EBF4: variants seen among roughly 807,000 people sequenced by gnomAD.
EBF4 encodes transcription factor COE4.
EBF4 carries 34 observed loss-of-function variants against 67.1 expected under a neutral mutation model. That is an observed-to-expected ratio of 0.51 (90% CI 0.39 to 0.67). The LOEUF (loss-of-function observed/expected upper bound fraction) is 0.67. EBF4 is among the 30% of genes least tolerant of loss of function. EBF4 has a pLI of 0.00. For synonymous variants in EBF4, 387 were observed against 377.7 expected (o/e 1.02, Z -0.29); for missense variants, 837 against 873.3 (o/e 0.96, Z 0.52).
intron 6 of EBF4, among the ~76,000 whole-genome samples, chr20:2,731,940 GTTTC>G (rs2087819158): frequency 6.6e-6 from 1 of 152,158 alleles, no homozygotes; most frequent in Non-Finnish European, 1.5e-5. Flanking sequence ...CAGAATGTGA[GTTTC>G]TTTATCAGTT....
chr20:2,728,636 T>C (rs1443805312), intron 6 of EBF4, among the ~76,000 whole-genome samples: 13 of 152,120 alleles, frequency 8.5e-5, no homozygotes, highest in Non-Finnish European at 1.8e-4. Context: ...TTTGTAGATC[T>C]CTCAAATCCC....
intron 1 of EBF4, among the ~76,000 whole-genome samples, chr20:2,701,896 G>A (rs1042419715): frequency 1.2e-4 from 18 of 152,354 alleles, no homozygotes; most frequent in African/African-American, 4.1e-4. Flanking sequence ...GCAGGAGGGA[G>A]GAGCTCAGGG....
At chr20:2,752,147 C>G in exon 13 of EBF4, 2 of 1,448,710 alleles carry the variant, frequency 1.4e-6, no homozygotes, top group Non-Finnish European at 1.8e-6. Context: ...CCCCGCGCAC[C>G]CGGGCCGCTC....
exon 14 of EBF4, chr20:2,752,386 C>G (rs2088167838): frequency 1.6e-6 from 2 of 1,252,588 alleles, no homozygotes; most frequent in African/African-American, 1.6e-5. Flanking sequence ...CAGCGCGTCC[C>G]CCCGCGGGTT....
chr20:2,707,293 C>T lies in EBF4; in HGVS notation c.415-654C>T, dbSNP rs1422391466. Among the ~76,000 whole-genome samples the T allele has an allele frequency of 6.6e-6, 1 of 151,970 alleles. No homozygotes were observed. Among genetic ancestry groups the T allele is most frequent in the African/African-American group, 2.4e-5 (1 of 41,360 alleles). On this transcript the variant is annotated intron_variant, in intron 4 of 16. Coordinates refer to ENST00000609451, the Ensembl canonical transcript of EBF4. This position sits in a 1 kb window ranked among gnomAD's most constrained non-coding sequence, Gnocchi z 4.6. ...GAGGGATCCCACAAATGGGGGAAGG[C>T]ACAGAGGGTTATAAACTAGGAAGGC... is the stretch of plus-strand genomic sequence containing the variant.
intron 6 of EBF4, among the ~76,000 whole-genome samples, chr20:2,724,909 A>ATTTTT (rs2087728552): frequency 6.6e-6 from 1 of 152,244 alleles, no homozygotes; most frequent in African/African-American, 2.4e-5. Context: ...TTCTCAAAAA[A>ATTTTT]GAAAAAGAAA....
At chr20:2,752,623 G>T in intron 14 of EBF4, 78 bp downstream of exon 14, 7 of 1,140,232 alleles carry the variant, frequency 6.1e-6, no homozygotes, top group Non-Finnish European at 7.7e-6. Context: ...CGCCCATCCC[G>T]GAGAGGTTGG....
At chr20:2,743,964 T>C (rs999587600) in intron 6 of EBF4, among the ~76,000 whole-genome samples, 1 of 152,204 alleles carries the variant, frequency 6.6e-6, no homozygotes, top group African/African-American at 2.4e-5. Flanking sequence ...TCTATCTTGC[T>C]ATTTGTACCC....
At chr20:2,749,624 C>T in exon 9 of EBF4, 1 of 1,557,722 alleles carries the variant, frequency 6.4e-7, no homozygotes, top group Non-Finnish European at 8.7e-7. Context: ...TCCCAGCTGC[C>T]ACCCCCTGCA....
chr20:2,746,337 C>T (rs2088050226), intron 6 of EBF4, among the ~76,000 whole-genome samples: 1 of 152,134 alleles, frequency 6.6e-6, no homozygotes, highest in Admixed American at 6.5e-5. Context: ...GGCATAACAG[C>T]TGTCTGCACT....
At chr20:2,704,984 C>T (rs1053393567) in intron 1 of EBF4, among the ~76,000 whole-genome samples, 3 of 152,258 alleles carry the variant, frequency 2.0e-5, no homozygotes, top group African/African-American at 7.2e-5. Context: ...TCTCCCAAAG[C>T]CTGGAGGCAG....
At chr20:2,724,960 C>T (rs537176787) in intron 6 of EBF4, among the ~76,000 whole-genome samples, 2 of 152,266 alleles carry the variant, frequency 1.3e-5, no homozygotes, top group African/African-American at 4.8e-5. Context: ...TAAACTCACT[C>T]TTCTCTCTGG....
intron 6 of EBF4, among the ~76,000 whole-genome samples, chr20:2,726,414 C>G (rs1046295544): frequency 6.6e-6 from 1 of 152,028 alleles, no homozygotes; most frequent in Non-Finnish European, 1.5e-5. Flanking sequence ...GACCATGTCT[C>G]TACAAAAATG....
chr20:2,733,669 AT>A (rs903439307), intron 6 of EBF4, among the ~76,000 whole-genome samples: 9 of 151,480 alleles, frequency 5.9e-5, no homozygotes, highest in East Asian at 1.9e-4. Context: ...AAGTATACTG[AT>A]TTTTTTTCGT....
exon 16 of EBF4, chr20:2,758,983 C>A (rs557533992): frequency 1.9e-6 from 3 of 1,551,714 alleles, no homozygotes; most frequent in South Asian, 2.4e-5. Flanking sequence ...CTCCTAATTA[C>A]GGTAGGTCTC....
rs1167774029 is a variant in EBF4, at chr20:2,758,900, C to T, written c.1739-9C>T. ...TGGCTTATGGCTCCTTTTTCCTTGA[C>T]TACTGCAGACCAGTCTTTTGAGGAT... On this transcript the variant is annotated splice_polypyrimidine_tract_variant and intron_variant, in intron 15 of 16. Transcript: ENST00000609451. 27 of 1,551,572 alleles carry T rather than the reference C, an allele frequency of 1.7e-5. No individual in the cohort carries two copies. Among genetic ancestry groups the T allele is most frequent in the African/African-American group, 2.7e-5 (2 of 73,062 alleles).
Position 2,707,700 on chromosome 20 carries a change from A to G in EBF4, c.415-247A>G, listed in dbSNP as rs1372628665. Among the ~76,000 whole-genome samples the G allele has an allele frequency of 6.6e-6, 1 of 152,102 alleles. No individual in the cohort carries two copies. Among genetic ancestry groups the G allele is most frequent in the Non-Finnish European group, 1.5e-5 (1 of 68,002 alleles). Reference sequence around the variant, plus strand: ...CTGCCCCAAGCAGAGCCAGCTCTGGAAAGAGCCACCTACAGACAGACAGAA... The same window carrying G: ...CTGCCCCAAGCAGAGCCAGCTCTGGGAAGAGCCACCTACAGACAGACAGAA... On this transcript the variant is annotated intron_variant, in intron 4 of 16. Coordinates refer to ENST00000609451, the Ensembl canonical transcript of EBF4. The surrounding 1 kb of genome is among the most constrained non-coding windows in gnomAD (Gnocchi z 4.6).
chr20:2,754,969 CA>C (rs373472613), intron 14 of EBF4: 4,160 of 86,884 alleles, frequency 0.048, 441 homozygotes, highest in African/African-American at 0.12. Flanking sequence ...TTCAGGAGAC[CA>C]CCCCCCCCCA....
chr20:2,737,434 G>A (rs56254520), intron 6 of EBF4, among the ~76,000 whole-genome samples: 6,843 of 151,996 alleles, frequency 0.045, 184 homozygotes, highest in Middle Eastern at 0.088. Context: ...AGCCAACCTG[G>A]GATGTCTGGC....
Sources: allele counts gnomAD v4.1 joint callset (sites outside exome capture counted in the v4.1 genomes callset), GRCh38; gene constraint gnomAD v4.1.1; non-coding constraint Gnocchi (gnomAD v3.1); transcripts MANE v1.5; gene names NCBI Gene and HGNC (gene_info 2026-07-23, HGNC 2026-07-21).